The following ZNF462 variants were observed in gnomAD, a reference collection of about 807,000 sequenced individuals.
ZNF462 encodes zinc finger protein 462.
Under a neutral mutation model 201.9 loss-of-function variants are expected in ZNF462, and 10 were observed. That is an observed-to-expected ratio of 0.05 (90% CI 0.03 to 0.08). The LOEUF (loss-of-function observed/expected upper bound fraction) is 0.08, where lower values mean the gene tolerates loss of function less well. ZNF462 is among the 10% of genes least tolerant of loss of function. The pLI, the probability that ZNF462 is intolerant of heterozygous loss-of-function variation, is 1.00. For missense variants in ZNF462, 2,523 were observed against 3,168.3 expected, an observed-to-expected ratio of 0.80 and a Z score of 4.89; for synonymous variants, 1,227 against 1,193.3, an observed-to-expected ratio of 1.03 and a Z score of -0.58.
chr9:106,990,974 T>G (rs1564157420), intron 10 of ZNF462, among the ~76,000 whole-genome samples: 1 of 151,972 alleles, frequency 6.6e-6, no homozygotes. Context: ...AACACCTGAT[T>G]TCAGGGTTCA....
Position 106,930,459 on chromosome 9 carries a change from C to G in ZNF462, c.5848-66C>G. On this transcript the variant is annotated intron_variant, in intron 3 of 12. Transcript: ENST00000277225. This position sits in a 1 kb window ranked among gnomAD's most constrained non-coding sequence, Gnocchi z 5.8. Reference sequence around the variant, plus strand: ...TAAAATAAAGTATGTTAGTAAACTGCAAGAATAAATTCTGACAATTGAGGG... The same window carrying G: ...TAAAATAAAGTATGTTAGTAAACTGGAAGAATAAATTCTGACAATTGAGGG... 6.3e-7 allele frequency: 1 copy of G among 1,582,574 alleles called. No homozygotes were observed. Among genetic ancestry groups the G allele is most frequent in the African/African-American group, 1.3e-5 (1 of 74,132 alleles).
In ZNF462 at chr9:106,954,441, G is replaced by A. The variant is rs192475801; in HGVS notation, c.6427+15334G>A. On this transcript the variant is annotated intron_variant, in intron 7 of 12. Transcript: ENST00000277225. The surrounding 1 kb of genome is among the most constrained non-coding windows in gnomAD (Gnocchi z 4.0). ...TCCCACAAGGTCCCTTCCTTGACAC[G>A]TGGGGATTACAATTAGAGATGAGAT... Among the ~76,000 whole-genome samples the A allele has an allele frequency of 7.1e-4, 108 of 151,788 alleles. 2 individuals are homozygous for A. Among genetic ancestry groups the A allele is most frequent in the East Asian group, 3.1e-3 (16 of 5,168 alleles).
chr9:107,000,346 A>G (rs1177598190), intron 10 of ZNF462, among the ~76,000 whole-genome samples: 1 of 151,956 alleles, frequency 6.6e-6, no homozygotes, highest in African/African-American at 2.4e-5. Context: ...TTTGTTAAAG[A>G]TTGCTTTGAC....
At chr9:107,000,034 C>T (rs1007047236) in intron 10 of ZNF462, among the ~76,000 whole-genome samples, 1 of 152,108 alleles carries the variant, frequency 6.6e-6, no homozygotes, top group Middle Eastern at 3.4e-3. Flanking sequence ...GGATATCGAA[C>T]ACAGGAGGAG....
At position 106,981,563 on chromosome 9, in the gene ZNF462, T is replaced by G. The variant is rs949176011; in HGVS notation, c.6833-2623T>G. 6.6e-6 allele frequency among the ~76,000 whole-genome samples: 1 copy of G among 152,238 alleles called. No individual in the cohort carries two copies. Among genetic ancestry groups the G allele is most frequent in the African/African-American group, 2.4e-5 (1 of 41,466 alleles). On this transcript the variant is annotated intron_variant, in intron 9 of 12. Coordinates refer to ENST00000277225, the MANE Select transcript of ZNF462 (RefSeq NM_021224.6). This position sits in a 1 kb window ranked among gnomAD's most constrained non-coding sequence, Gnocchi z 4.0. ...AAAGTTATGTCAAGGGTAGAACACC[T>G]AACGGTGCTTGAACCGTAGCGAGCA...
rs1830014061 is a variant in ZNF462, at chr9:107,013,090, C to CA, written c.*2066dup. On this transcript the variant is annotated 3_prime_UTR_variant, in exon 13 of 13. Coordinates refer to ENST00000277225, the MANE Select transcript of ZNF462 (RefSeq NM_021224.6). ...TGGATTGGGTGTTTGTAATGGTTACCAAAAAACAAACAAAAAAAGAAAGAA... is the reference window on the plus strand; with the variant it reads ...TGGATTGGGTGTTTGTAATGGTTACCAAAAAAACAAACAAAAAAAGAAAGAA... 2 of 128,758 alleles carry CA rather than the reference C, an allele frequency of 1.6e-5. No individual in the cohort carries two copies. Among genetic ancestry groups the CA allele is most frequent in the African/African-American group, 2.8e-5 (1 of 35,746 alleles). The allele number at this position is 128,758 out of a possible 1,614,324, so 8.0% of individuals were successfully genotyped here.
At position 106,929,670 on chromosome 9, in the gene ZNF462, A is replaced by C. The variant is rs759486582; in HGVS notation, c.5758A>C (p.Lys1920Gln). The C allele has an allele frequency of 9.3e-6, 15 of 1,614,236 alleles. No homozygotes were observed. The highest frequency in any genetic ancestry group is 1.3e-5 in the Non-Finnish European group (15 of 1,180,048). The stretch of plus-strand genomic sequence containing the variant: ...GAACATTCACAATGAGGAATTCCAG[A>C]AGCGTGCCAAACGTCAGGAGAGGAG... ...HLNIHNEEFQKRAKRQERRKQ... is the reference protein window; with the variant it reads ...HLNIHNEEFQQRAKRQERRKQ... The change falls in exon 3 of 13, where the codon AAG becomes CAG. Residue 1920 changes from lysine (K) to glutamine (Q), a missense_variant. Around this residue, in one of 15 missense-constraint regions of ZNF462, gnomAD observed 107 missense variants for 187.7 expected, o/e 0.57. Coordinates refer to ENST00000277225, the MANE Select transcript of ZNF462 (RefSeq NM_021224.6). This position sits in a 1 kb window ranked among gnomAD's most constrained non-coding sequence, Gnocchi z 8.7.
At chr9:106,907,954 C>T (rs1829341991) in intron 1 of ZNF462, among the ~76,000 whole-genome samples, 1 of 151,682 alleles carries the variant, frequency 6.6e-6, no homozygotes, top group African/African-American at 2.4e-5. Context: ...TTCTGGTTAC[C>T]CCAGAAATTA....
At position 106,885,044 on chromosome 9, in the gene ZNF462, G is replaced by A. The variant is rs1312928570; in HGVS notation, c.-31+21689G>A. Among the ~76,000 whole-genome samples the A allele has an allele frequency of 6.6e-6, 1 of 152,148 alleles. No individual in the cohort carries two copies. Among genetic ancestry groups the A allele is most frequent in the Admixed American group, 6.5e-5 (1 of 15,286 alleles). On this transcript the variant is annotated intron_variant, in intron 1 of 12. Transcript: ENST00000277225. This position sits in a 1 kb window ranked among gnomAD's most constrained non-coding sequence, Gnocchi z 4.1. ...GATTCTGCTTCAAAGCAATGTATGTGTTCAACATAACCTTTCTAGAGAGAT... is the reference window on the plus strand; with the variant it reads ...GATTCTGCTTCAAAGCAATGTATGTATTCAACATAACCTTTCTAGAGAGAT...
rs1212789644 is a variant in ZNF462 at position 106,928,631 on chromosome 9, G to T, written c.4719G>T (p.Gly1573=). Residue 1573 remains glycine, a synonymous_variant, in exon 3 of 13, where the codon GGG becomes GGT. Transcript: ENST00000277225. This position sits in a 1 kb window ranked among gnomAD's most constrained non-coding sequence, Gnocchi z 9.3. ...VEETSRIFKQ[G]YGAYRCKLCP... is the part of the protein sequence containing the mutation. ...AGACGAGCAGGATCTTCAAGCAAGG[G>T]TATGGCGCCTACCGGTGCAAACTGT... The T allele has an allele frequency of 6.2e-7, 1 of 1,614,126 alleles. No homozygotes were observed. Among genetic ancestry groups the T allele is most frequent in the South Asian group, 1.1e-5 (1 of 91,076 alleles).
rs183238108 is a variant in ZNF462, at chr9:106,909,207, C to G, written c.-30-14147C>G. ...TGAACTCCTGACCTCAAATGATCCA[C>G]TTGCTTCTGCATCCCAGAGTGCTGG... On this transcript the variant is annotated intron_variant, in intron 1 of 12. Coordinates refer to ENST00000277225, the MANE Select transcript of ZNF462 (RefSeq NM_021224.6). Among the ~76,000 whole-genome samples, 533 of 151,688 alleles carry G rather than the reference C, an allele frequency of 3.5e-3. 6 individuals are homozygous for G. Among genetic ancestry groups the G allele is most frequent in the African/African-American group, 0.012 (508 of 41,352 alleles).
At position 106,974,568 on chromosome 9, in the gene ZNF462, GC is replaced by G; in HGVS notation, c.6832+297del. ...CATTCTGACAATTCTGCCACCCACA[GC>G]CTTGCGTAGACTGCATAGAAGGAAT... On this transcript the variant is annotated intron_variant, in intron 9 of 12. Transcript: ENST00000277225. The surrounding 1 kb of genome is among the most constrained non-coding windows in gnomAD (Gnocchi z 4.0). 2.2e-6 allele frequency: 1 copy of G among 456,880 alleles called. No homozygotes were observed. Among genetic ancestry groups the G allele is most frequent in the Non-Finnish European group, 4.1e-6 (1 of 245,836 alleles). The allele number at this position is 456,880 out of a possible 1,614,324, so 28.3% of individuals were successfully genotyped here. A position where few individuals can be genotyped will look rare whatever the true frequency, so the allele number is the denominator to read the frequency against.
At position 106,923,697 on chromosome 9, in the gene ZNF462, T is replaced by G; in HGVS notation, c.220+94T>G. ...CATGGTTCTTAATATACGTGGCTTTTGCAGAGTTTCTTGTGCTTTGCTAGC... is the reference window on the plus strand; with the variant it reads ...CATGGTTCTTAATATACGTGGCTTTGGCAGAGTTTCTTGTGCTTTGCTAGC... On this transcript the variant is annotated intron_variant, in intron 2 of 12. Transcript: ENST00000277225. This position sits in a 1 kb window ranked among gnomAD's most constrained non-coding sequence, Gnocchi z 5.6. 1 of 1,312,958 alleles carries G rather than the reference T, an allele frequency of 7.6e-7. No homozygotes were observed. The highest frequency in any genetic ancestry group is 1.1e-6 in the Non-Finnish European group (1 of 938,258). 81.3% of individuals were successfully genotyped at this position (1,312,958 alleles called of 1,614,324 possible). A position where few individuals can be genotyped will look rare whatever the true frequency, so the allele number is the denominator to read the frequency against.
rs542707161 is a variant in ZNF462, at chr9:106,880,221, T to G, written c.-31+16866T>G. On this transcript the variant is annotated intron_variant, in intron 1 of 12. Coordinates refer to ENST00000277225, the MANE Select transcript of ZNF462 (RefSeq NM_021224.6). This position sits in a 1 kb window ranked among gnomAD's most constrained non-coding sequence, Gnocchi z 4.1. Reference sequence around the variant, plus strand: ...CTCAGATGCTGATCAGTGGAAGCACTGCAAAGCCTGACTCTTCAGATATTC... The same window carrying G: ...CTCAGATGCTGATCAGTGGAAGCACGGCAAAGCCTGACTCTTCAGATATTC... 1.3e-5 allele frequency among the ~76,000 whole-genome samples: 2 copies of G among 152,306 alleles called. No homozygotes were observed. The highest frequency in any genetic ancestry group is 4.2e-4 in the South Asian group (2 of 4,818).
intron 6 of ZNF462, among the ~76,000 whole-genome samples, chr9:106,936,595 A>G (rs1279296814): frequency 1.3e-5 from 2 of 152,120 alleles, no homozygotes; most frequent in South Asian, 2.1e-4. Context: ...GCTTTTCTCT[A>G]TCTTTTTGTA....
In ZNF462 at chr9:106,974,106, G is replaced by A. The variant is rs764700634; in HGVS notation, c.6696-31G>A. The A allele has an allele frequency of 6.2e-6, 10 of 1,613,296 alleles. No homozygotes were observed. In the South Asian group the frequency reaches 7.7e-5, roughly 12 times the overall value. On this transcript the variant is annotated intron_variant, in intron 8 of 12. Transcript: ENST00000277225. This position sits in a 1 kb window ranked among gnomAD's most constrained non-coding sequence, Gnocchi z 4.0. ...AAAATGCAATGATCCCTGGTTACAC[G>A]CATCACCTCTCCTCCCAAACTCTCT... is the stretch of plus-strand genomic sequence containing the variant.
chr9:106,881,709 T>C (rs1587992285), intron 1 of ZNF462, among the ~76,000 whole-genome samples: 1 of 152,166 alleles, frequency 6.6e-6, no homozygotes, highest in Admixed American at 6.5e-5. Flanking sequence ...ACTGGTAAAA[T>C]TGACAAACAT....
In ZNF462 at chr9:106,924,053, A is replaced by G; in HGVS notation, c.221-80A>G. On this transcript the variant is annotated intron_variant, in intron 2 of 12. Coordinates refer to ENST00000277225, the MANE Select transcript of ZNF462 (RefSeq NM_021224.6). This position sits in a 1 kb window ranked among gnomAD's most constrained non-coding sequence, Gnocchi z 6.2. ...CATGTGATGTTTAGTAATGAAGAAT[A>G]ATTGGAATGGTACTGATTTGCATGA... is the stretch of plus-strand genomic sequence containing the variant. 8.2e-7 allele frequency: 1 copy of G among 1,212,180 alleles called. No homozygotes were observed. Among genetic ancestry groups the G allele is most frequent in the Non-Finnish European group, 1.1e-6 (1 of 871,862 alleles). 75.1% of individuals were successfully genotyped at this position (1,212,180 alleles called of 1,614,324 possible).
chr9:106,962,814 A>G lies in ZNF462; in HGVS notation c.6428-9191A>G, dbSNP rs943253735. Among the ~76,000 whole-genome samples the G allele has an allele frequency of 6.6e-6, 1 of 151,904 alleles. No homozygotes were observed. The highest frequency in any genetic ancestry group is 2.4e-5 in the African/African-American group (1 of 41,394). On this transcript the variant is annotated intron_variant, in intron 7 of 12. Coordinates refer to ENST00000277225, the MANE Select transcript of ZNF462 (RefSeq NM_021224.6). This position sits in a 1 kb window ranked among gnomAD's most constrained non-coding sequence, Gnocchi z 4.6. ...CATGACAACGGAGTCCAGAATTCCTATATATAGTCATCCAGCATCCATTGT... is the reference window on the plus strand; with the variant it reads ...CATGACAACGGAGTCCAGAATTCCTGTATATAGTCATCCAGCATCCATTGT...
Sources: gnomAD v4.1 joint callset for allele counts (sites outside exome capture counted in the v4.1 genomes callset) on GRCh38, gnomAD v4.1.1 for gene constraint, gnomAD v4.1.1 regional missense constraint, Gnocchi (gnomAD v3.1) non-coding constraint, MANE v1.5 for transcripts, NCBI Gene and HGNC (gene_info 2026-07-23, HGNC 2026-07-21) for gene names.